EXOC1: variants seen among roughly 807,000 people sequenced by gnomAD.
EXOC1 encodes the protein SEC3-like 1.
In EXOC1, 67 loss-of-function variants were observed where a neutral mutation model predicts 107.7. That is an observed-to-expected ratio of 0.62 (90% CI 0.51 to 0.76). The LOEUF (loss-of-function observed/expected upper bound fraction) is 0.76, where lower values mean the gene tolerates loss of function less well. EXOC1 is among the 30% of genes least tolerant of loss of function. The pLI is 0.00. For synonymous variants in EXOC1, 348 were observed against 353.5 expected (o/e 0.98, Z 0.17); for missense variants, 833 against 1,055.7 (o/e 0.79, Z 2.92).
intron 4 of EXOC1, among the ~76,000 whole-genome samples, chr4:55,867,326 C>G (rs1467975868): frequency 6.6e-6 from 1 of 152,030 alleles, no homozygotes; most frequent in Non-Finnish European, 1.5e-5. Flanking sequence ...TCTTTTTGTT[C>G]TGGGACAAAT....
At position 55,897,478 on chromosome 4, in the gene EXOC1, A is replaced by G. The variant is rs181319605; in HGVS notation, c.2137+578A>G. 6.6e-5 allele frequency among the ~76,000 whole-genome samples: 10 copies of G among 152,320 alleles called. No individual in the cohort carries two copies. In the East Asian group the frequency reaches 1.9e-3, roughly 29 times the overall value. On this transcript the variant is annotated intron_variant, in intron 16 of 18. Transcript: ENST00000381295. ...ACAAGGAAATTAGTACTAAAATACA[A>G]GAGAAATTAGTGCTGAAATACTGTA...
At chr4:55,871,077 A>G (rs1270884261) in intron 6 of EXOC1, 24 bp from the exon 7 acceptor site, 3 of 1,608,422 alleles carry the variant, frequency 1.9e-6, no homozygotes, top group South Asian at 1.1e-5. Flanking sequence ...ACACATGCAA[A>G]TGGTGTGTTT....
At chr4:55,875,657 G>A (rs1157207950) in intron 8 of EXOC1, 18 of 985,048 alleles carry the variant, frequency 1.8e-5, no homozygotes, top group Non-Finnish European at 2.2e-5. Flanking sequence ...AAATTAATGA[G>A]GAAGATTGTT....
chr4:55,860,604 T>A, intron 3 of EXOC1, 63 bp downstream of exon 3: 1 of 1,563,022 alleles, frequency 6.4e-7, no homozygotes, highest in Non-Finnish European at 8.7e-7. Flanking sequence ...TAACATGGTA[T>A]TACATATTCT....
At chr4:55,856,271 G>A (rs1184140684) in intron 1 of EXOC1, among the ~76,000 whole-genome samples, 1 of 152,200 alleles carries the variant, frequency 6.6e-6, no homozygotes, top group African/African-American at 2.4e-5. Flanking sequence ...AGATCAGCTG[G>A]TCTACAAACA....
chr4:55,874,075 G>T (rs565541945), intron 8 of EXOC1, among the ~76,000 whole-genome samples: 2 of 152,116 alleles, frequency 1.3e-5, no homozygotes, highest in Non-Finnish European at 2.9e-5. Flanking sequence ...TGCTAAAAAG[G>T]TTTAATCAAA....
intron 16 of EXOC1, among the ~76,000 whole-genome samples, chr4:55,898,103 A>AG (rs1725453965): frequency 6.6e-6 from 1 of 152,056 alleles, no homozygotes. Context: ...AAAAAAATTT[A>AG]AAAAATTAGC....
At chr4:55,857,168 C>CTTTTTTTTTTTTTTTTTTT (rs71192052) in intron 1 of EXOC1, among the ~76,000 whole-genome samples, 1 of 65,764 alleles carries the variant, frequency 1.5e-5, no homozygotes, top group African/African-American at 6.4e-5. Context: ...TCCTTTTTTT[C>CTTTTTTTTTTTTTTTTTTT]TTTTTTTTTT....
intron 16 of EXOC1, among the ~76,000 whole-genome samples, chr4:55,899,073 T>C (rs1048597112): frequency 6.6e-6 from 1 of 152,130 alleles, no homozygotes; most frequent in Admixed American, 6.6e-5. Context: ...AATCTTTTTA[T>C]TCTTTGTCAA....
intron 9 of EXOC1, among the ~76,000 whole-genome samples, chr4:55,882,085 C>T (rs768709475): frequency 4.4e-5 from 6 of 135,318 alleles, no homozygotes; most frequent in Non-Finnish European, 9.3e-5. Context: ...AAATTTAAAA[C>T]TTACCATAGG....
At position 55,893,640 on chromosome 4, in the gene EXOC1, G is replaced by A; in HGVS notation, c.1813G>A (p.Asp605Asn). The change falls in exon 15 of 19, where the codon GAT (aspartate) becomes AAT (asparagine). Residue 605 changes from aspartate to asparagine, a missense_variant. Physicochemically the swap from Asp to Asn is conservative, Grantham distance 23 (BLOSUM62 1). Coordinates refer to ENST00000381295, the MANE Select transcript of EXOC1 (RefSeq NM_001024924.2). The part of the protein sequence containing the change: ...NNLIALGDKI[D>N]SFNSLYMLVK... ...CCTAATTGCATTAGGAGACAAAATTGATAGCTTTAACTCTCTTTATATGTT... is the reference window on the plus strand; with the variant it reads ...CCTAATTGCATTAGGAGACAAAATTAATAGCTTTAACTCTCTTTATATGTT... 1 of 1,614,072 alleles carries A rather than the reference G, an allele frequency of 6.2e-7. No homozygotes were observed. The highest frequency in any genetic ancestry group is 8.5e-7 in the Non-Finnish European group (1 of 1,180,014).
At chr4:55,881,983 A>G (rs1560347468) in intron 9 of EXOC1, among the ~76,000 whole-genome samples, 1 of 152,282 alleles carries the variant, frequency 6.6e-6, no homozygotes, top group East Asian at 1.9e-4. Flanking sequence ...GGCAGATTTA[A>G]TCAGCCAGAG....
In EXOC1 at chr4:55,860,497, G is replaced by A. The variant is rs767114416; in HGVS notation, c.211G>A (p.Ala71Thr). Residue 71 changes from alanine (A) to threonine (T), a missense_variant, in exon 3 of 19, where the codon GCC becomes ACC. Ala to Thr is a moderately conservative substitution (Grantham distance 58). Transcript: ENST00000381295. ...GDFYKRQIAWALRDLAVVDAK... is the reference protein window; with the variant it reads ...GDFYKRQIAWTLRDLAVVDAK... ...TTTCTACAAAAGGCAGATTGCATGG[G>A]CCCTTCGAGATCTTGCTGTGGTAGA... The A allele has an allele frequency of 9.2e-5, 149 of 1,613,884 alleles. No homozygotes were observed. Among genetic ancestry groups the A allele is most frequent in the Non-Finnish European group, 5.2e-5 (61 of 1,179,956 alleles).
intron 9 of EXOC1, among the ~76,000 whole-genome samples, chr4:55,882,533 A>G (rs1443725916): frequency 3.3e-5 from 5 of 152,232 alleles, no homozygotes; most frequent in Non-Finnish European, 7.3e-5. Context: ...AAGTTATACA[A>G]AGATCATGGG....
chr4:55,899,682 T>C lies in EXOC1; in HGVS notation c.2138-3T>C. ...TATTTTATTTTTTCTGTTTTGGTTT[T>C]AGTGGAGAAAGTAGCAAATGAAAGC... is the stretch of plus-strand genomic sequence containing the variant. On this transcript the variant is annotated splice_region_variant and splice_polypyrimidine_tract_variant and intron_variant, in intron 16 of 18. Coordinates refer to ENST00000381295, the MANE Select transcript of EXOC1 (RefSeq NM_001024924.2). 6.2e-7 allele frequency: 1 copy of C among 1,607,180 alleles called. No homozygotes were observed. Among genetic ancestry groups the C allele is most frequent in the Non-Finnish European group, 8.5e-7 (1 of 1,177,574 alleles).
At chr4:55,883,955 T>C (rs755471248) in intron 10 of EXOC1, 27 bp downstream of exon 10, 8 of 1,486,894 alleles carry the variant, frequency 5.4e-6, no homozygotes, top group Non-Finnish European at 7.4e-6. Context: ...CAGTTCATTA[T>C]CTTCCTATTA....
At chr4:55,886,148 T>C (rs1376387825) in intron 10 of EXOC1, among the ~76,000 whole-genome samples, 2 of 152,234 alleles carry the variant, frequency 1.3e-5, no homozygotes, top group African/African-American at 4.8e-5. Context: ...AACTCTAGGC[T>C]AATGTGTTTT....
chr4:55,874,401 TC>T (rs1370594873), intron 8 of EXOC1, among the ~76,000 whole-genome samples: 3 of 152,172 alleles, frequency 2.0e-5, no homozygotes, highest in Non-Finnish European at 4.4e-5. Flanking sequence ...ACTTTCATTA[TC>T]TTTTCATTTT....
Position 55,870,753 on chromosome 4 carries a change from G to A in EXOC1, c.679G>A (p.Glu227Lys), listed in dbSNP as rs1340299329. Residue 227 changes from glutamate (E) to lysine (K), a missense_variant, in exon 6 of 19, where the codon GAG (glutamate) becomes AAG (lysine). By Grantham distance (56) the Glu-to-Lys change is moderately conservative (BLOSUM62 1). Transcript: ENST00000381295. ...LMKLLDEALK[E>K]VDQIELKLSS... ...GAAATTGCTAGATGAGGCTCTAAAG[G>A]AGGTAGATCAGATTGAATTGAAACT... 6 of 1,613,782 alleles carry A rather than the reference G, an allele frequency of 3.7e-6. No homozygotes were observed. The highest frequency in any genetic ancestry group is 4.2e-6 in the Non-Finnish European group (5 of 1,179,908).
Sources: gnomAD v4.1 joint callset for allele counts (sites outside exome capture counted in the v4.1 genomes callset) on GRCh38, gnomAD v4.1.1 for gene constraint, MANE v1.5 for transcripts, NCBI Gene and HGNC (gene_info 2026-07-23, HGNC 2026-07-21) for gene names.